The following SPG7 variants were observed in gnomAD, a reference collection of about 807,000 sequenced individuals.
The protein encoded by SPG7 is mitochondrial inner membrane m-AAA protease component paraplegin.
In SPG7, 103 loss-of-function variants were observed where a neutral mutation model predicts 81.9. The ratio of observed to expected loss-of-function variants is 1.26; its 90% CI spans 1.07 to 1.48. SPG7 has a LOEUF of 1.48. Among genes scored for constraint, SPG7 ranks in the 40% most tolerant of loss-of-function variants. The pLI, the probability that SPG7 is intolerant of heterozygous loss-of-function variation, is 0.00. For synonymous variants in SPG7, 534 were observed against 444.2 expected (o/e 1.20, Z -2.54); for missense variants, 1,241 against 1,087.3 (o/e 1.14, Z -1.99).
At chr16:89,537,714 G>A (rs1417329408) in intron 9 of SPG7, 5 of 985,138 alleles carry the variant, frequency 5.1e-6, no homozygotes, top group Non-Finnish European at 1.2e-6. Flanking sequence ...AAAGTCATCA[G>A]CATGTGAGCT....
chr16:89,548,874 C>G (rs945807530), intron 12 of SPG7: 13 of 447,166 alleles, frequency 2.9e-5, no homozygotes, highest in Non-Finnish European at 5.4e-5. Flanking sequence ...GGTTCTTGCC[C>G]CAGGTGTTTG....
At chr16:89,526,834 G>A (rs894572203) in intron 5 of SPG7, 5 of 336,902 alleles carry the variant, frequency 1.5e-5, no homozygotes, top group South Asian at 9.4e-5. Flanking sequence ...CTCAGCCCCC[G>A]ACGTAGGATG....
intron 3 of SPG7, chr16:89,517,694 A>T (rs143343236): frequency 7.0e-6 from 1 of 142,738 alleles, no homozygotes; most frequent in Non-Finnish European, 1.5e-5. Context: ...ATCTCGGCTC[A>T]TTGCAAACTC....
chr16:89,524,273 G>T (rs1193052030), intron 4 of SPG7, 26 bp downstream of exon 4: 1 of 1,596,756 alleles, frequency 6.3e-7, no homozygotes, highest in South Asian at 1.1e-5. Context: ...GGAGGCCTGT[G>T]AGTGAGGGTG....
intron 11 of SPG7, 90 bp downstream of exon 11, chr16:89,546,850 G>T (rs2058570865): frequency 4.7e-6 from 4 of 851,338 alleles, no homozygotes; most frequent in Non-Finnish European, 6.1e-6. Context: ...TCCTCTGTGG[G>T]GTGGGCGCTG....
Position 89,556,945 on chromosome 16 carries a change from T to C in SPG7, c.2240T>C (p.Ile747Thr), listed in dbSNP as rs764133074. ...VINYEDIEAL[I>T]GPPPHGPKKM... is the part of the protein sequence containing the mutation. The stretch of plus-strand genomic sequence containing the variant: ...AACTATGAGGACATTGAGGCTCTCA[T>C]TGGCCCGCCGCCCCATGGGCCGAAG... Residue 747 changes from isoleucine to threonine, a missense_variant, in exon 17 of 17, where the codon ATT becomes ACT. Coordinates refer to ENST00000645818, the MANE Select transcript of SPG7 (RefSeq NM_003119.4). 1.9e-6 allele frequency: 3 copies of C among 1,614,104 alleles called. No individual in the cohort carries two copies. The highest frequency in any genetic ancestry group is 2.5e-6 in the Non-Finnish European group (3 of 1,180,000).
chr16:89,516,202 A>G (rs541195908), intron 3 of SPG7, among the ~76,000 whole-genome samples: 6 of 151,260 alleles, frequency 4.0e-5, no homozygotes, highest in African/African-American at 1.5e-4. Context: ...TGGTCAGGCT[A>G]GTCTCAAACT....
intron 7 of SPG7, 41 bp downstream of exon 7, chr16:89,530,849 C>T (rs2058332267): frequency 6.2e-7 from 1 of 1,612,534 alleles, no homozygotes; most frequent in Non-Finnish European, 8.5e-7. Flanking sequence ...TGAGCAGAGG[C>T]CGGCCGTCCT....
chr16:89,541,221 GGTGT>G (rs2152407769), intron 9 of SPG7: 2 of 983,914 alleles, frequency 2.0e-6, no homozygotes, highest in African/African-American at 3.5e-5. Flanking sequence ...AGCTGAAACT[GGTGT>G]ATCCTTATCA....
rs192650415 is a variant in SPG7 at position 89,523,674 on chromosome 16, C to T, written c.377-332C>T. The T allele has an allele frequency of 3.1e-5, 15 of 478,664 alleles. No homozygotes were observed. The East Asian group carries it at 6.2e-4, about 20-fold the overall frequency. The allele number at this position is 478,664 out of a possible 1,614,324, so 29.7% of individuals were successfully genotyped here. ...ACGGCTCACTGCAGCTTCAACCTCC[C>T]GCCTCAGCCTCCCAAGTAGCTGGGA... On this transcript the variant is annotated intron_variant, in intron 3 of 16. Transcript: ENST00000645818.
rs762865432 is a variant in SPG7, at chr16:89,548,155, G to T, written c.1663+42G>T. ...CTGGGTGAAGGCCCTCCTTAGCAGGGCTTGAACCCCAGAAATACCCAGGCA... is the reference window on the plus strand; with the variant it reads ...CTGGGTGAAGGCCCTCCTTAGCAGGTCTTGAACCCCAGAAATACCCAGGCA... On this transcript the variant is annotated intron_variant, in intron 12 of 16. Coordinates refer to ENST00000645818, the MANE Select transcript of SPG7 (RefSeq NM_003119.4). 4.3e-6 allele frequency: 6 copies of T among 1,384,534 alleles called. No individual in the cohort carries two copies. The African/African-American group carries it at 7.1e-5, about 16-fold the overall frequency. 85.8% of individuals were successfully genotyped at this position (1,384,534 alleles called of 1,614,324 possible). A position where few individuals can be genotyped will look rare whatever the true frequency, so the allele number is the denominator to read the frequency against.
chr16:89,553,996 C>G, intron 15 of SPG7, 36 bp downstream of exon 15: 1 of 1,605,332 alleles, frequency 6.2e-7, no homozygotes, highest in Non-Finnish European at 8.5e-7. Flanking sequence ...GCCCTCTGTG[C>G]TCCCCGGGGA....
intron 5 of SPG7, among the ~76,000 whole-genome samples, chr16:89,527,617 C>G (rs562559914): frequency 6.6e-6 from 1 of 152,170 alleles, no homozygotes. Flanking sequence ...AGGTGAAATT[C>G]TCATTTCAGT....
chr16:89,539,100 A>ACAG (rs924695984), intron 9 of SPG7: 1 of 152,244 alleles, frequency 6.6e-6, no homozygotes, highest in Non-Finnish European at 1.5e-5. Context: ...GGCTCTGAAC[A>ACAG]CAGCCCTTTT....
At chr16:89,509,001 G>A (rs888733979) in intron 1 of SPG7, 6 of 470,938 alleles carry the variant, frequency 1.3e-5, no homozygotes, top group African/African-American at 1.2e-4. Flanking sequence ...GGTGGTTATT[G>A]CCGAGTAGGG....
At position 89,546,640 on chromosome 16, in the gene SPG7, C is replaced by T. The variant is rs756615585; in HGVS notation, c.1450-18C>T. ...CTAGGCTTGAGCCCGACTGTCTTTC[C>T]TCCCCTGGTTCTGGCAGGAGAGGCG... On this transcript the variant is annotated intron_variant, in intron 10 of 16. Transcript: ENST00000645818. The T allele has an allele frequency of 6.3e-7, 1 of 1,583,132 alleles. No homozygotes were observed.
intron 16 of SPG7, 118 bp from the exon 17 acceptor site, chr16:89,556,769 G>A: frequency 1.2e-6 from 1 of 818,274 alleles, no homozygotes; most frequent in Non-Finnish European, 2.2e-6. Flanking sequence ...TGGGAAAGTG[G>A]CCTGTCCTGG....
chr16:89,532,966 G>C (rs941025048), intron 9 of SPG7: 5 of 366,758 alleles, frequency 1.4e-5, no homozygotes, highest in African/African-American at 1.1e-4. Flanking sequence ...GCTTATAATC[G>C]CTAGTACTCT....
intron 9 of SPG7, chr16:89,540,732 ACGTGTGCTCAC>A: frequency 4.2e-6 from 1 of 240,292 alleles, no homozygotes; most frequent in South Asian, 1.5e-4. Flanking sequence ...AAAAAACTAA[ACGTGTGCTCAC>A]CATGTGACCC....
Sources: gnomAD v4.1 joint callset for allele counts (sites outside exome capture counted in the v4.1 genomes callset) on GRCh38, gnomAD v4.1.1 for gene constraint, MANE v1.5 for transcripts, NCBI Gene and HGNC (gene_info 2026-07-23, HGNC 2026-07-21) for gene names.